The following CACNA2D3 variants were observed in gnomAD, a reference collection of about 807,000 sequenced individuals.
CACNA2D3 encodes the protein calcium voltage-gated channel auxiliary subunit alpha2delta 3, also known as voltage-dependent calcium channel subunit alpha-2/delta-3.
In CACNA2D3, 60 loss-of-function variants were observed where a neutral mutation model predicts 160.6. That is an observed-to-expected ratio of 0.37 (90% confidence interval 0.30 to 0.46). The LOEUF is 0.46. Ranked by LOEUF, CACNA2D3 falls within the 20% of genes least tolerant of loss-of-function variation. The pLI, the probability that CACNA2D3 is intolerant of heterozygous loss-of-function variation, is 1.00. For synonymous variants in CACNA2D3, 558 were observed against 492.9 expected, an observed-to-expected ratio of 1.13 and a Z score of -1.75; for missense variants, 1,205 against 1,365.0, an observed-to-expected ratio of 0.88 and a Z score of 1.85.
At chr3:54,938,138 G>T (rs1271308597) in intron 27 of CACNA2D3, among the ~76,000 whole-genome samples, 1 of 152,194 alleles carries the variant, frequency 6.6e-6, no homozygotes, top group Non-Finnish European at 1.5e-5. Flanking sequence ...AGGGGCAGCA[G>T]AATGGCAGAG....
At chr3:54,341,108 C>T (rs894683226) in intron 3 of CACNA2D3, among the ~76,000 whole-genome samples, 2 of 152,206 alleles carry the variant, frequency 1.3e-5, no homozygotes, top group African/African-American at 4.8e-5. Flanking sequence ...AAAGACTTTC[C>T]ATGGTCACTT....
chr3:54,480,471 C>G (rs531177460), intron 4 of CACNA2D3, among the ~76,000 whole-genome samples: 87 of 152,200 alleles, frequency 5.7e-4, no homozygotes, highest in African/African-American at 2.1e-3. Context: ...TGGGTCATCA[C>G]CAACGTGATT....
intron 35 of CACNA2D3, among the ~76,000 whole-genome samples, chr3:55,026,170 A>G (rs1703560391): frequency 6.6e-6 from 1 of 152,098 alleles, no homozygotes; most frequent in Non-Finnish European, 1.5e-5. Context: ...CTTGATTTCT[A>G]ACATCATGGA....
chr3:54,726,733 C>G (rs368567593), intron 11 of CACNA2D3, among the ~76,000 whole-genome samples: 3 of 152,108 alleles, frequency 2.0e-5, no homozygotes, highest in African/African-American at 7.2e-5. Flanking sequence ...GAAACTGGAC[C>G]CCTCCCTTAC....
chr3:54,842,978 GCTTT>G (rs1255607099), intron 16 of CACNA2D3, among the ~76,000 whole-genome samples: 73 of 146,592 alleles, frequency 5.0e-4, no homozygotes, highest in African/African-American at 1.7e-3. Context: ...AGTGAGTGTA[GCTTT>G]TTTTTTTTTT....
At chr3:54,687,716 T>C (rs1207169136) in intron 11 of CACNA2D3, among the ~76,000 whole-genome samples, 5 of 152,208 alleles carry the variant, frequency 3.3e-5, no homozygotes, top group Admixed American at 2.6e-4. Flanking sequence ...AAGAATCATT[T>C]TGACATAGCA....
At chr3:54,467,174 A>G (rs769818410) in intron 4 of CACNA2D3, among the ~76,000 whole-genome samples, 2 of 152,184 alleles carry the variant, frequency 1.3e-5, no homozygotes, top group Non-Finnish European at 2.9e-5. Flanking sequence ...CTCCAGGAAA[A>G]TAAGTTCAAA....
At chr3:54,231,676 A>G (rs1701771867) in intron 2 of CACNA2D3, among the ~76,000 whole-genome samples, 1 of 152,244 alleles carries the variant, frequency 6.6e-6, no homozygotes, top group Admixed American at 6.5e-5. Context: ...TCTAGTGTGT[A>G]ATAAACTACT....
chr3:54,644,328 C>A (rs1303945205), intron 11 of CACNA2D3, among the ~76,000 whole-genome samples: 1 of 152,026 alleles, frequency 6.6e-6, no homozygotes, highest in African/African-American at 2.4e-5. Context: ...CTTTCTGTAG[C>A]AAAAGGGTCT....
intron 17 of CACNA2D3, among the ~76,000 whole-genome samples, chr3:54,864,506 T>C (rs58588917): frequency 0.37 from 56,581 of 151,984 alleles, 11,131 homozygotes; most frequent in Admixed American, 0.53. Context: ...ACTCCAGACC[T>C]GCCTCAGCCT....
chr3:54,537,344 C>T (rs1354605045), intron 5 of CACNA2D3, among the ~76,000 whole-genome samples: 2 of 152,110 alleles, frequency 1.3e-5, no homozygotes, highest in Non-Finnish European at 2.9e-5. Flanking sequence ...CTCACCTCTC[C>T]ATGCTTAGGA....
intron 5 of CACNA2D3, among the ~76,000 whole-genome samples, chr3:54,515,219 A>G (rs1278942071): frequency 6.6e-6 from 1 of 151,504 alleles, no homozygotes; most frequent in Non-Finnish European, 1.5e-5. Context: ...AGAGAGAGAG[A>G]GAAAGAGAGA....
rs201754837 is a variant in CACNA2D3 at position 54,429,178 on chromosome 3, AT to A, written c.381+42411del. ...TAGATTTCCACTCTTAATGAGCTAC[AT>A]TTTTTTCCCCCAGAGCATGGCTAAT... is the stretch of plus-strand genomic sequence containing the variant. On this transcript the variant is annotated intron_variant, in intron 4 of 37. Coordinates refer to ENST00000474759, the MANE Select transcript of CACNA2D3 (RefSeq NM_018398.3). Among the ~76,000 whole-genome samples the A allele has an allele frequency of 1.9e-3, 290 of 152,232 alleles. 1 individual carries two copies. The highest frequency in any genetic ancestry group is 6.3e-3 in the African/African-American group (260 of 41,536).
At chr3:54,478,419 T>G (rs1700867303) in intron 4 of CACNA2D3, among the ~76,000 whole-genome samples, 1 of 151,502 alleles carries the variant, frequency 6.6e-6, no homozygotes, top group Non-Finnish European at 1.5e-5. Context: ...GATCATGAGG[T>G]CAGGAGATTG....
At position 54,885,520 on chromosome 3, in the gene CACNA2D3, C is replaced by T; in HGVS notation, c.1990C>T (p.His664Tyr). Residue 664 changes from histidine to tyrosine, a missense_variant, in exon 23 of 38, where the codon CAC becomes TAC. Physicochemically the swap from His to Tyr is moderately conservative, Grantham distance 83. Coordinates refer to ENST00000474759, the MANE Select transcript of CACNA2D3 (RefSeq NM_018398.3). ...SYCNTDLHPE[H>Y]RHLSQLEAIK... ...CTGCAACACTGACCTACACCCTGAGCACCGCCATCTGTCTCAGTTAGAAGC... is the reference window on the plus strand; with the variant it reads ...CTGCAACACTGACCTACACCCTGAGTACCGCCATCTGTCTCAGTTAGAAGC... The T allele has an allele frequency of 6.2e-7, 1 of 1,613,808 alleles. No individual in the cohort carries two copies. The highest frequency in any genetic ancestry group is 8.5e-7 in the Non-Finnish European group (1 of 1,179,804).
At chr3:55,000,348 A>G (rs1237510237) in intron 31 of CACNA2D3, among the ~76,000 whole-genome samples, 1 of 152,172 alleles carries the variant, frequency 6.6e-6, no homozygotes, top group African/African-American at 2.4e-5. Context: ...GGGAAGGCTT[A>G]TTTTGTAACC....
intron 4 of CACNA2D3, among the ~76,000 whole-genome samples, chr3:54,458,792 CT>C (rs113330777): frequency 0.59 from 88,775 of 151,456 alleles, 26,442 homozygotes; most frequent in African/African-American, 0.68. Context: ...TTATTATACT[CT>C]TAAGTTTTAG....
At chr3:54,701,717 T>G (rs1381491976) in intron 11 of CACNA2D3, among the ~76,000 whole-genome samples, 1 of 152,174 alleles carries the variant, frequency 6.6e-6, no homozygotes, top group Non-Finnish European at 1.5e-5. Flanking sequence ...ACTACTAATG[T>G]CATTTTTCAC....
chr3:54,944,613 G>A (rs1225507766), intron 27 of CACNA2D3, among the ~76,000 whole-genome samples: 2 of 152,036 alleles, frequency 1.3e-5, no homozygotes, highest in South Asian at 4.1e-4. Context: ...AGTAGAGACA[G>A]GGTTTCACCG....
Sources: allele counts gnomAD v4.1 joint callset (sites outside exome capture counted in the v4.1 genomes callset), GRCh38; gene constraint gnomAD v4.1.1; transcripts MANE v1.5; gene names NCBI Gene and HGNC (gene_info 2026-07-23, HGNC 2026-07-21).